The following RPS12 variants were observed in gnomAD, a reference collection of about 807,000 sequenced individuals.
The protein encoded by RPS12 is ribosomal protein S12, also known as small ribosomal subunit protein eS12.
RPS12 carries 1 observed loss-of-function variant against 17.2 expected under a neutral mutation model. The ratio of observed to expected loss-of-function variants is 0.06; its 90% confidence interval spans 0.02 to 0.28. The LOEUF is 0.28. Among genes scored for constraint, RPS12 ranks in the 10% least tolerant of loss-of-function variants. The probability of loss-of-function intolerance (pLI) is 1.00; values close to 1 mark genes in which losing one functional copy is unlikely to be tolerated. For synonymous variants in RPS12, 67 were observed against 54.0 expected, an observed-to-expected ratio of 1.24 and a Z score of -1.06; for missense variants, 146 against 162.1, an observed-to-expected ratio of 0.90 and a Z score of 0.54.
intron 4 of RPS12, 79 bp downstream of exon 4, chr6:132,816,642 C>T (rs1384870675): frequency 2.0e-6 from 2 of 995,844 alleles, no homozygotes; most frequent in Admixed American, 3.4e-5. Flanking sequence ...AAGTCTCAAG[C>T]TGTTCATTTT....
At chr6:132,814,823 G>C in intron 2 of RPS12, 41 bp downstream of exon 2, 1 of 1,577,514 alleles carries the variant, frequency 6.3e-7, no homozygotes, top group Non-Finnish European at 8.7e-7. Context: ...GTCGGGGTGC[G>C]GCTGAGGCGT....
intron 3 of RPS12, chr6:132,815,836 T>C: frequency 2.3e-6 from 1 of 432,180 alleles, no homozygotes; most frequent in Non-Finnish European, 4.5e-6. Flanking sequence ...GTCTTTTTTT[T>C]TTCTTTTTTC....
chr6:132,815,225 G>A, intron 3 of RPS12, 137 bp downstream of exon 3: 1 of 747,430 alleles, frequency 1.3e-6, no homozygotes. Context: ...CTAGGAAAAG[G>A]TATCAGAACT....
In RPS12 at chr6:132,815,048, C is replaced by T. The variant is rs893831318; in HGVS notation, c.91C>T (p.Leu31=). 1.4e-5 allele frequency: 22 copies of T among 1,613,270 alleles called. No individual in the cohort carries two copies. Among genetic ancestry groups the T allele is most frequent in the Non-Finnish European group, 1.9e-5 (22 of 1,179,356 alleles). ...GAAGACTGCCCTCATCCACGATGGC[C>T]TAGCACGTGGAATTCGCGAAGCTGC... is the stretch of plus-strand genomic sequence containing the variant. ...VLKTALIHDG[L]ARGIREAAKA... The change falls in exon 3 of 6, where the codon CTA becomes TTA. Residue 31 remains leucine (L), a synonymous_variant. Coordinates refer to ENST00000230050, the MANE Select transcript of RPS12 (RefSeq NM_001016.4).
At chr6:132,815,333 A>G (rs758309977) in intron 3 of RPS12, 14 of 680,814 alleles carry the variant, frequency 2.1e-5, no homozygotes, top group Non-Finnish European at 3.6e-5. Context: ...TAATTGTCGG[A>G]TACCCCTTCA....
intron 5 of RPS12, 21 bp downstream of exon 5, chr6:132,817,082 G>A (rs1239140659): frequency 1.4e-6 from 2 of 1,394,344 alleles, no homozygotes; most frequent in South Asian, 1.2e-5. Context: ...GTTTATTCTA[G>A]GGATGAAGGT....
chr6:132,815,032 C>G lies in RPS12; in HGVS notation c.75C>G (p.Ala25=). 5 of 1,613,812 alleles carry G rather than the reference C, an allele frequency of 3.1e-6. No homozygotes were observed. Among genetic ancestry groups the G allele is most frequent in the Non-Finnish European group, 4.2e-6 (5 of 1,179,786 alleles). ...NTALQEVLKT[A]LIHDGLARGI... The stretch of plus-strand genomic sequence containing the variant: ...CTTTACAAGAGGTTCTGAAGACTGC[C>G]CTCATCCACGATGGCCTAGCACGTG... Residue 25 remains alanine, a synonymous_variant, in exon 3 of 6, where the codon GCC becomes GCG. Coordinates refer to ENST00000230050, the MANE Select transcript of RPS12 (RefSeq NM_001016.4).
intron 4 of RPS12, 61 bp from the exon 5 acceptor site, chr6:132,816,899 T>G: frequency 1.8e-6 from 2 of 1,109,128 alleles, no homozygotes; most frequent in Non-Finnish European, 2.8e-6. Flanking sequence ...TTTCATTTAA[T>G]TTTGGTAGTG....
chr6:132,815,729 ATTGT>A (rs750856374), intron 3 of RPS12: 1 of 456,488 alleles, frequency 2.2e-6, no homozygotes, highest in Non-Finnish European at 4.4e-6. Context: ...AAACGGCATT[ATTGT>A]TTAATGTATT....
chr6:132,815,546 GATTT>G (rs1008283745), intron 3 of RPS12: 2 of 434,092 alleles, frequency 4.6e-6, no homozygotes, highest in African/African-American at 4.1e-5. Flanking sequence ...TAATAGCTGT[GATTT>G]ATTTGAATTT....
intron 3 of RPS12, chr6:132,815,317 T>C (rs1456196234): frequency 1.4e-6 from 1 of 709,108 alleles, no homozygotes; most frequent in Non-Finnish European, 2.6e-6. Flanking sequence ...GTTTGAATGA[T>C]GACTTTAATT....
At chr6:132,816,393 C>T (rs1368603910) in intron 3 of RPS12, 68 bp from the exon 4 acceptor site, 1 of 1,238,924 alleles carries the variant, frequency 8.1e-7, no homozygotes, top group Non-Finnish European at 1.2e-6. Context: ...GATAACCCTC[C>T]TAAAATGCAA....
intron 3 of RPS12, chr6:132,816,181 T>C (rs1562280877): frequency 2.0e-6 from 1 of 511,086 alleles, no homozygotes; most frequent in Non-Finnish European, 3.5e-6. Flanking sequence ...AAGAAAGCTA[T>C]TATGGTTGGG....
At chr6:132,817,436 T>A (rs919172828) in intron 5 of RPS12, 44 bp from the exon 6 acceptor site, 2 of 1,288,326 alleles carry the variant, frequency 1.6e-6, no homozygotes, top group Non-Finnish European at 2.2e-6. Context: ...GTGAAATTCC[T>A]AAATATTAAC....
At chr6:132,816,077 G>T in intron 3 of RPS12, 1 of 371,456 alleles carries the variant, frequency 2.7e-6, no homozygotes, top group Non-Finnish European at 5.3e-6. Context: ...CGGGTCATCT[G>T]CCCCCCTCGT....
Position 132,814,788 on chromosome 6 carries a change from C to A in RPS12, c.14+6C>A. The A allele has an allele frequency of 6.2e-7, 1 of 1,612,648 alleles. No individual in the cohort carries two copies. The highest frequency in any genetic ancestry group is 8.5e-7 in the Non-Finnish European group (1 of 1,178,860). ...ACCGCCATGGCCGAGGAAGGGTGAG[C>A]CCAGGGGCCGGGGTTGGAGTTGGGG... On this transcript the variant is annotated splice_donor_region_variant and intron_variant, in intron 2 of 5. Transcript: ENST00000230050.
intron 3 of RPS12, chr6:132,815,592 AG>A: frequency 2.2e-6 from 1 of 455,484 alleles, no homozygotes; most frequent in Non-Finnish European, 4.4e-6. Flanking sequence ...GAATGGATCG[AG>A]TTAATGTGTT....
Position 132,815,044 on chromosome 6 carries a change from T to G in RPS12, c.87T>G (p.Asp29Glu), listed in dbSNP as rs1002374186. 5.6e-6 allele frequency: 9 copies of G among 1,613,314 alleles called. No individual in the cohort carries two copies. The highest frequency in any genetic ancestry group is 7.6e-6 in the Non-Finnish European group (9 of 1,179,404). Residue 29 changes from aspartate (D) to glutamate (E), a missense_variant, in exon 3 of 6, where the codon GAT becomes GAG. Asp to Glu is a conservative substitution (Grantham distance 45). Transcript: ENST00000230050. ...QEVLKTALIHDGLARGIREAA... is the reference protein window; with the variant it reads ...QEVLKTALIHEGLARGIREAA... ...TTCTGAAGACTGCCCTCATCCACGA[T>G]GGCCTAGCACGTGGAATTCGCGAAG...
At chr6:132,817,379 A>G in intron 5 of RPS12, 101 bp from the exon 6 acceptor site, 1 of 860,016 alleles carries the variant, frequency 1.2e-6, no homozygotes, top group South Asian at 1.3e-5. Flanking sequence ...TTTTTATAAG[A>G]CATAGCTAAT....
Sources: allele counts gnomAD v4.1 joint callset, GRCh38; gene constraint gnomAD v4.1.1; transcripts MANE v1.5; gene names NCBI Gene and HGNC (gene_info 2026-07-23, HGNC 2026-07-21).